Variants in TCF7L2 observed in about 807,000 individuals in gnomAD.
TCF7L2 encodes the protein transcription factor 7 like 2.
In TCF7L2, 23 loss-of-function variants were observed where a neutral mutation model predicts 77.9. That is an observed-to-expected ratio of 0.30 (90% CI 0.21 to 0.42). The LOEUF (loss-of-function observed/expected upper bound fraction) is 0.42. Among genes scored for constraint, TCF7L2 ranks in the 10% least tolerant of loss-of-function variants. The probability of loss-of-function intolerance (pLI) is 1.00; values close to 1 mark genes in which losing one functional copy is unlikely to be tolerated. For missense variants in TCF7L2, 654 were observed against 793.1 expected (o/e 0.82, Z 2.11); for synonymous variants, 413 against 340.2 (o/e 1.21, Z -2.36).
intron 5 of TCF7L2, among the ~76,000 whole-genome samples, chr10:113,131,289 T>C (rs926223103): frequency 2.2e-4 from 33 of 152,228 alleles, no homozygotes; most frequent in African/African-American, 7.2e-4. Context: ...TGTGTCAAAT[T>C]AAAACACAAG....
chr10:112,970,316 T>C (rs1425100620), intron 4 of TCF7L2, among the ~76,000 whole-genome samples: 1 of 151,800 alleles, frequency 6.6e-6, no homozygotes. Context: ...CTTGTTCTTA[T>C]GCTTGCAAGT....
Position 113,060,822 on chromosome 10 carries a change from T to C in TCF7L2, c.552+20696T>C, listed in dbSNP as rs555112024. On this transcript the variant is annotated intron_variant, in intron 5 of 13. Transcript: ENST00000627217. Reference sequence around the variant, plus strand: ...CCCAAGGAGAAGACGCCGCCCAGAATGGCTGGATCGCCTGTTGTGGCTGAG... The same window carrying C: ...CCCAAGGAGAAGACGCCGCCCAGAACGGCTGGATCGCCTGTTGTGGCTGAG... 4.6e-5 allele frequency among the ~76,000 whole-genome samples: 7 copies of C among 152,166 alleles called. No homozygotes were observed. The East Asian group carries it at 1.4e-3, about 30-fold the overall frequency.
At chr10:113,127,693 T>C (rs914260149) in intron 5 of TCF7L2, among the ~76,000 whole-genome samples, 1 of 152,086 alleles carries the variant, frequency 6.6e-6, no homozygotes, top group African/African-American at 2.4e-5. Context: ...GGTGTACTTC[T>C]GACAAACTGG....
At chr10:113,156,178 G>T (rs1326670112) in intron 11 of TCF7L2, among the ~76,000 whole-genome samples, 1 of 147,970 alleles carries the variant, frequency 6.8e-6, no homozygotes, top group Non-Finnish European at 1.5e-5. Context: ...GCAGTAGCAC[G>T]ATCTCAGCTC....
At chr10:112,973,734 T>A (rs569727089) in intron 4 of TCF7L2, among the ~76,000 whole-genome samples, 6 of 152,062 alleles carry the variant, frequency 3.9e-5, no homozygotes, top group Non-Finnish European at 8.8e-5. Flanking sequence ...AGATTACAGG[T>A]TCTTGCCACC....
intron 5 of TCF7L2, among the ~76,000 whole-genome samples, chr10:113,060,015 G>A (rs554371006): frequency 1.3e-5 from 2 of 152,144 alleles, no homozygotes; most frequent in East Asian, 3.8e-4. Context: ...ATCCGCCCCC[G>A]GTGGATATGA....
At chr10:112,990,793 C>T (rs1399138843) in intron 4 of TCF7L2, among the ~76,000 whole-genome samples, 2 of 152,232 alleles carry the variant, frequency 1.3e-5, no homozygotes, top group African/African-American at 2.4e-5. Flanking sequence ...GCCACTTTCT[C>T]ACCTTTAAAA....
intron 5 of TCF7L2, among the ~76,000 whole-genome samples, chr10:113,060,893 C>A (rs895287942): frequency 3.3e-5 from 5 of 152,042 alleles, no homozygotes; most frequent in African/African-American, 1.2e-4. Flanking sequence ...GACCTAGTAG[C>A]CACCCATGTG....
At position 113,141,429 on chromosome 10, in the gene TCF7L2, C is replaced by T. The variant is rs144185037; in HGVS notation, c.685+113C>T. 1.4e-3 allele frequency: 2,089 copies of T among 1,463,606 alleles called. 33 individuals carry two copies. In the South Asian group the frequency reaches 0.021, roughly 15 times the overall value. 90.7% of individuals were successfully genotyped at this position (1,463,606 alleles called of 1,614,324 possible). A position where few individuals can be genotyped will look rare whatever the true frequency, so the allele number is the denominator to read the frequency against. On this transcript the variant is annotated intron_variant, in intron 6 of 13. Transcript: ENST00000627217. The stretch of plus-strand genomic sequence containing the variant: ...GGAGCAGTAGGGGACTTTGGGGGAA[C>T]GGTGGTGGGGGGGCCCCTGTTGCTT...
chr10:112,968,554 G>A (rs1188052464), intron 4 of TCF7L2, among the ~76,000 whole-genome samples: 1 of 152,004 alleles, frequency 6.6e-6, no homozygotes, highest in African/African-American at 2.4e-5. Context: ...TAAGTTTTTG[G>A]GGAGTCAAAA....
chr10:113,107,543 A>G (rs1591775674), intron 5 of TCF7L2, among the ~76,000 whole-genome samples: 1 of 151,816 alleles, frequency 6.6e-6, no homozygotes, highest in Middle Eastern at 3.4e-3. Context: ...GGAAATCGAG[A>G]CCATCCTGGC....
At chr10:112,992,887 C>G (rs2042831481) in intron 4 of TCF7L2, among the ~76,000 whole-genome samples, 1 of 152,000 alleles carries the variant, frequency 6.6e-6, no homozygotes, top group African/African-American at 2.4e-5. Context: ...CCTCAGCCTC[C>G]CAAGTAGCTG....
At chr10:113,079,072 G>A (rs2059037333) in intron 5 of TCF7L2, among the ~76,000 whole-genome samples, 2 of 152,066 alleles carry the variant, frequency 1.3e-5, no homozygotes, top group Middle Eastern at 3.2e-3. Flanking sequence ...GACCTTAAGT[G>A]ATCCACCCAT....
chr10:113,085,941 T>G (rs995192871), intron 5 of TCF7L2, among the ~76,000 whole-genome samples: 1 of 152,202 alleles, frequency 6.6e-6, no homozygotes, highest in Admixed American at 6.5e-5. Context: ...ATGAAATAGC[T>G]CAGTGCTGCC....
At chr10:113,138,519 T>A (rs1221288559) in intron 5 of TCF7L2, among the ~76,000 whole-genome samples, 1 of 152,206 alleles carries the variant, frequency 6.6e-6, no homozygotes, top group Non-Finnish European at 1.5e-5. Flanking sequence ...ACATCTCCCC[T>A]TAGTCCTGCT....
At chr10:113,069,396 AT>A (rs1334025382) in intron 5 of TCF7L2, among the ~76,000 whole-genome samples, 1 of 151,828 alleles carries the variant, frequency 6.6e-6, no homozygotes, top group Non-Finnish European at 1.5e-5. Context: ...CGCCTGGCTA[AT>A]TTTTGTATTT....
chr10:112,961,365 C>T (rs1292064397), intron 3 of TCF7L2, among the ~76,000 whole-genome samples: 1 of 151,424 alleles, frequency 6.6e-6, no homozygotes, highest in Non-Finnish European at 1.5e-5. Flanking sequence ...TCATCTTGTC[C>T]TGGACTTCGC....
intron 5 of TCF7L2, among the ~76,000 whole-genome samples, chr10:113,131,340 G>A (rs766926262): frequency 5.9e-5 from 9 of 152,156 alleles, no homozygotes; most frequent in Non-Finnish European, 1.0e-4. Context: ...ATAATGATGG[G>A]TGTAAATCTT....
intron 4 of TCF7L2, among the ~76,000 whole-genome samples, chr10:112,966,184 T>TTATATATTTATATA (rs2036781195): frequency 8.8e-6 from 1 of 114,280 alleles, no homozygotes; most frequent in Non-Finnish European, 1.7e-5. Flanking sequence ...TAAAATATAT[T>TTATATATTTATATA]TATATATATA....
Sources: gnomAD v4.1 joint callset for allele counts (sites outside exome capture counted in the v4.1 genomes callset) on GRCh38, gnomAD v4.1.1 for gene constraint, MANE v1.5 for transcripts, NCBI Gene and HGNC (gene_info 2026-07-23, HGNC 2026-07-21) for gene names.